Variants in KIF1A observed in about 807,000 individuals in gnomAD.
The protein encoded by KIF1A is kinesin family member 1A.
In KIF1A, 46 loss-of-function variants were observed where a neutral mutation model predicts 227.3. The ratio of observed to expected loss-of-function variants is 0.20; its 90% CI spans 0.16 to 0.26. KIF1A has a LOEUF of 0.26. Among genes scored for constraint, KIF1A ranks in the 10% least tolerant of loss-of-function variants. The pLI, the probability that KIF1A is intolerant of heterozygous loss-of-function variation, is 1.00. For synonymous variants in KIF1A, 1,022 were observed against 1,012.8 expected, an observed-to-expected ratio of 1.01 and a Z score of -0.17; for missense variants, 1,683 against 2,485.9, an observed-to-expected ratio of 0.68 and a Z score of 6.87.
chr2:240,791,563 C>T (rs2055706707), intron 2 of KIF1A, among the ~76,000 whole-genome samples: 1 of 151,232 alleles, frequency 6.6e-6, no homozygotes, highest in South Asian at 2.1e-4. Context: ...GGTCGGGCTC[C>T]CCGCACAGGC....
chr2:240,767,107 A>G, intron 18 of KIF1A, 86 bp from the exon 19 acceptor site: 1 of 1,230,104 alleles, frequency 8.1e-7, no homozygotes, highest in Non-Finnish European at 1.2e-6. Context: ...ACGCCCAACC[A>G]GGATTGTTTG....
chr2:240,715,907 T>C lies in KIF1A; in HGVS notation c.*1457A>G, dbSNP rs2044554033. On this transcript the variant is annotated 3_prime_UTR_variant, in exon 49 of 49. Coordinates refer to ENST00000498729, the MANE Select transcript of KIF1A (RefSeq NM_001244008.2). ...CACGGCGGGAGAGGGGCTCTGTTGC[T>C]TGGCTACTGTCTTTCCTTGAGCTAA... The C allele has an allele frequency of 6.6e-6, 1 of 152,340 alleles. No individual in the cohort carries two copies. Among genetic ancestry groups the C allele is most frequent in the Admixed American group, 6.5e-5 (1 of 15,286 alleles). The allele number at this position is 152,340 out of a possible 1,614,324, so 9.4% of individuals were successfully genotyped here. A position where few individuals can be genotyped will look rare whatever the true frequency, so the allele number is the denominator to read the frequency against.
chr2:240,730,513 C>T (rs542819163), intron 38 of KIF1A, among the ~76,000 whole-genome samples: 1 of 152,322 alleles, frequency 6.6e-6, no homozygotes, highest in South Asian at 2.1e-4. Context: ...CACCCAAACC[C>T]TCAGAATCAT....
chr2:240,751,791 C>T (rs1384207149), intron 27 of KIF1A, among the ~76,000 whole-genome samples: 3 of 152,002 alleles, frequency 2.0e-5, no homozygotes, highest in Non-Finnish European at 4.4e-5. Context: ...CAAGCTCAGC[C>T]TTGTGGCCCA....
chr2:240,760,087 A>T (rs2050331529), intron 25 of KIF1A, among the ~76,000 whole-genome samples: 1 of 151,398 alleles, frequency 6.6e-6, no homozygotes, highest in Admixed American at 6.6e-5. Flanking sequence ...GCAGAGGCCG[A>T]GCTTTAGGAA....
At chr2:240,787,708 C>G (rs530058075) in intron 4 of KIF1A, among the ~76,000 whole-genome samples, 43 of 152,274 alleles carry the variant, frequency 2.8e-4, no homozygotes, top group African/African-American at 1.0e-3. Context: ...GTTTGGCCAC[C>G]CCTGTCCTGA....
At chr2:240,755,698 A>C (rs1262776359) in intron 27 of KIF1A, among the ~76,000 whole-genome samples, 1 of 152,166 alleles carries the variant, frequency 6.6e-6, no homozygotes, top group Non-Finnish European at 1.5e-5. Flanking sequence ...TCAAATCCAC[A>C]AAAGGGGAAA....
In KIF1A at chr2:240,788,040, C is replaced by CCCCCGCGGGG; in HGVS notation, c.363+10_363+11insCCCCGCGGGG. The CCCCCGCGGGG allele has an allele frequency of 6.6e-7, 1 of 1,518,502 alleles. No homozygotes were observed. Among genetic ancestry groups the CCCCCGCGGGG allele is most frequent in the Non-Finnish European group, 8.9e-7 (1 of 1,119,310 alleles). 94.1% of individuals were successfully genotyped at this position (1,518,502 alleles called of 1,614,324 possible). A position where few individuals can be genotyped will look rare whatever the true frequency, so the allele number is the denominator to read the frequency against. ...TGCCAGGGCTGCCCCCGCCCGCCCC[C>CCCCCGCGGGG]CGCTTCGTGCCTGTGGGATGATGCC... On this transcript the variant is annotated intron_variant, in intron 4 of 48. Coordinates refer to ENST00000498729, the MANE Select transcript of KIF1A (RefSeq NM_001244008.2). The surrounding 1 kb of genome is among the most constrained non-coding windows in gnomAD (Gnocchi z 6.6).
At chr2:240,723,026 C>T (rs753111850) in intron 42 of KIF1A, among the ~76,000 whole-genome samples, 12 of 152,198 alleles carry the variant, frequency 7.9e-5, no homozygotes, top group Non-Finnish European at 1.6e-4. Context: ...TCACACGTCA[C>T]GCGTCACGTG....
intron 1 of KIF1A, among the ~76,000 whole-genome samples, chr2:240,816,038 C>T (rs2058291830): frequency 6.6e-6 from 1 of 152,104 alleles, no homozygotes; most frequent in Middle Eastern, 3.2e-3. Context: ...TGACAGCAGG[C>T]ATCATGGCAG....
chr2:240,782,276 T>C, intron 10 of KIF1A: 2 of 867,342 alleles, frequency 2.3e-6, no homozygotes, highest in Non-Finnish European at 2.8e-6. Flanking sequence ...TCCGAGGGGC[T>C]CCTCCGCGCC....
intron 25 of KIF1A, among the ~76,000 whole-genome samples, chr2:240,759,882 C>T (rs919411741): frequency 1.3e-5 from 2 of 152,072 alleles, no homozygotes; most frequent in Non-Finnish European, 2.9e-5. Flanking sequence ...TGTCATAGTG[C>T]ACTCCATTCC....
Position 240,757,358 on chromosome 2 carries a change from G to T in KIF1A, c.2819C>A (p.Pro940Gln). The change falls in exon 27 of 49, where the codon CCG (proline) becomes CAG (glutamine). Residue 940 changes from proline to glutamine, a missense_variant. Coordinates refer to ENST00000498729, the MANE Select transcript of KIF1A (RefSeq NM_001244008.2). The surrounding 1 kb of genome is among the most constrained non-coding windows in gnomAD (Gnocchi z 6.2). ...PEHALCDGRDPFYDRPPLFSL... is the reference protein window; with the variant it reads ...PEHALCDGRDQFYDRPPLFSL... ...GAACAGGGGGGGCCGGTCGTAAAAC[G>T]GGTCCCGGCCGTCGCACAGCGCGTG... 2.6e-6 allele frequency: 4 copies of T among 1,550,684 alleles called. No individual in the cohort carries two copies. The highest frequency in any genetic ancestry group is 3.5e-6 in the Non-Finnish European group (4 of 1,147,066).
In KIF1A at chr2:240,766,312, T is replaced by C. The variant is rs2051168955; in HGVS notation, c.1685-519A>G. Among the ~76,000 whole-genome samples the C allele has an allele frequency of 6.6e-6, 1 of 152,160 alleles. No individual in the cohort carries two copies. The highest frequency in any genetic ancestry group is 6.5e-5 in the Admixed American group (1 of 15,282). On this transcript the variant is annotated intron_variant, in intron 19 of 48. Transcript: ENST00000498729. The surrounding 1 kb of genome is among the most constrained non-coding windows in gnomAD (Gnocchi z 5.0). ...TGCCCTTAGCCTGGGCTGTGGGCCA[T>C]GTGACGGCACACTGACACCACAGGC...
intron 1 of KIF1A, among the ~76,000 whole-genome samples, chr2:240,807,357 G>A (rs1284405290): frequency 6.6e-6 from 1 of 152,016 alleles, no homozygotes; most frequent in East Asian, 1.9e-4. Flanking sequence ...TGGTCAGGCT[G>A]GTCTTGAACT....
chr2:240,778,279 C>G lies in KIF1A; in HGVS notation c.883-2353G>C, dbSNP rs1472748559. Among the ~76,000 whole-genome samples the G allele has an allele frequency of 6.6e-6, 1 of 152,166 alleles. No individual in the cohort carries two copies. The highest frequency in any genetic ancestry group is 6.5e-5 in the Admixed American group (1 of 15,294). On this transcript the variant is annotated intron_variant, in intron 10 of 48. Transcript: ENST00000498729. This position sits in a 1 kb window ranked among gnomAD's most constrained non-coding sequence, Gnocchi z 7.2. Reference sequence around the variant, plus strand: ...GTGGAGTTCTTTACACAGTTCCACGCGATCCTCACCTAGGTCTCTACATAG... The same window carrying G: ...GTGGAGTTCTTTACACAGTTCCACGGGATCCTCACCTAGGTCTCTACATAG...
Position 240,787,291 on chromosome 2 carries a change from A to T in KIF1A, c.389T>A (p.Ile130Asn). 1 of 1,613,342 alleles carries T rather than the reference A, an allele frequency of 6.2e-7. No individual in the cohort carries two copies. The highest frequency in any genetic ancestry group is 8.5e-7 in the Non-Finnish European group (1 of 1,179,752). ...PQLCEDLFSR[I>N]NDTTNDNMSY... ...CATGTTGTCGTTGGTCGTGTCGTTG[A>T]TCCGAGAGAAGAGGTCCTCGCAGAG... The change falls in exon 5 of 49, where the codon ATC becomes AAC. Residue 130 changes from isoleucine (I) to asparagine (N), a missense_variant. Ile to Asn is a moderately radical substitution (Grantham distance 149, BLOSUM62 -3). Coordinates refer to ENST00000498729, the MANE Select transcript of KIF1A (RefSeq NM_001244008.2).
At chr2:240,719,750 G>A in intron 46 of KIF1A, 24 bp downstream of exon 46, 3 of 1,529,028 alleles carry the variant, frequency 2.0e-6, no homozygotes, top group Non-Finnish European at 2.6e-6. Flanking sequence ...TGGTGGCGGT[G>A]CTTTCCAGGG....
At chr2:240,744,607 G>A (rs866186244) in intron 32 of KIF1A, among the ~76,000 whole-genome samples, 13 of 152,332 alleles carry the variant, frequency 8.5e-5, no homozygotes, top group Admixed American at 7.2e-4. Flanking sequence ...ACACGCAGAG[G>A]GGGAGGGCCA....
Sources: gnomAD v4.1 joint callset for allele counts (sites outside exome capture counted in the v4.1 genomes callset) on GRCh38, gnomAD v4.1.1 for gene constraint, Gnocchi (gnomAD v3.1) non-coding constraint, MANE v1.5 for transcripts, NCBI Gene and HGNC (gene_info 2026-07-23, HGNC 2026-07-21) for gene names.